The following LINGO2 variants were observed in gnomAD, a reference collection of about 807,000 sequenced individuals.
LINGO2 encodes the protein leucine-rich repeat and immunoglobulin-like domain-containing nogo receptor-interacting protein 2.
Under a neutral mutation model 30.6 loss-of-function variants are expected in LINGO2, and 14 were observed. The observed-to-expected ratio is 0.46, with a 90% CI of 0.30 to 0.72. The LOEUF (loss-of-function observed/expected upper bound fraction) is 0.72. Ranked by LOEUF, LINGO2 falls within the 30% of genes least tolerant of loss-of-function variation. LINGO2 has a pLI of 0.07. For missense variants in LINGO2, 729 were observed against 751.7 expected (o/e 0.97, Z 0.35); for synonymous variants, 317 against 288.5 (o/e 1.10, Z -1.00).
intron 5 of LINGO2, among the ~76,000 whole-genome samples, chr9:27,974,053 G>T (rs1205301528): frequency 6.6e-6 from 1 of 152,164 alleles, no homozygotes; most frequent in Non-Finnish European, 1.5e-5. Context: ...GGTTCATTCT[G>T]CTTGTTAATA....
At chr9:28,866,382 T>C in the LINGO2 span, among the ~76,000 whole-genome samples, 3 of 152,270 alleles carry the variant, frequency 2.0e-5, no homozygotes, top group Admixed American at 6.5e-5. Context: ...GCATCAGTTA[T>C]TCCATCTATG....
intron 1 of LINGO2, among the ~76,000 whole-genome samples, chr9:28,540,141 A>G (rs980691809): frequency 1.4e-4 from 21 of 152,098 alleles, no homozygotes; most frequent in Admixed American, 2.6e-4. Context: ...CTCGGACTCT[A>G]ACCTTATTTC....
intron 4 of LINGO2, among the ~76,000 whole-genome samples, chr9:28,203,545 A>G (rs1352017806): frequency 1.3e-5 from 2 of 152,222 alleles, no homozygotes; most frequent in Non-Finnish European, 2.9e-5. Flanking sequence ...TTGCTGAATT[A>G]CAGTAAGCAT....
chr9:28,331,643 C>T (rs1037148064), intron 3 of LINGO2, among the ~76,000 whole-genome samples: 11 of 152,108 alleles, frequency 7.2e-5, no homozygotes, highest in African/African-American at 2.4e-4. Context: ...GTAGTTGGGA[C>T]TACAGGCACA....
intron 4 of LINGO2, among the ~76,000 whole-genome samples, chr9:28,082,915 CCT>C (rs1466890902): frequency 6.6e-6 from 1 of 151,976 alleles, no homozygotes; most frequent in Non-Finnish European, 1.5e-5. Flanking sequence ...TCAAATTTTC[CCT>C]CTGTTAGCAT....
chr9:28,610,924 C>G (rs949852065), intron 1 of LINGO2, among the ~76,000 whole-genome samples: 1 of 151,954 alleles, frequency 6.6e-6, no homozygotes, highest in African/African-American at 2.4e-5. Flanking sequence ...AAATTGTATT[C>G]TAATAATAAA....
chr9:28,726,204 TG>T, the LINGO2 span, among the ~76,000 whole-genome samples: 1 of 152,158 alleles, frequency 6.6e-6, no homozygotes, highest in Non-Finnish European at 1.5e-5. Flanking sequence ...GCTCTATGTG[TG>T]AGTCAATTTG....
At chr9:28,057,853 T>C (rs547808187) in intron 4 of LINGO2, among the ~76,000 whole-genome samples, 1 of 152,164 alleles carries the variant, frequency 6.6e-6, no homozygotes, top group South Asian at 2.1e-4. Flanking sequence ...AACTCCTGCT[T>C]ATTCTTCAGA....
At chr9:28,403,946 GATTA>G (rs1421045938) in intron 2 of LINGO2, among the ~76,000 whole-genome samples, 4 of 151,932 alleles carry the variant, frequency 2.6e-5, no homozygotes, top group African/African-American at 7.3e-5. Flanking sequence ...TTAAGATGAA[GATTA>G]ATTTAGTCTC....
chr9:28,862,780 T>G, the LINGO2 span, among the ~76,000 whole-genome samples: 3 of 152,068 alleles, frequency 2.0e-5, no homozygotes, highest in South Asian at 2.1e-4. Flanking sequence ...GCTCTAGCCT[T>G]GGAAATAAAT....
chr9:28,472,280 T>TA (rs933659468), intron 2 of LINGO2, among the ~76,000 whole-genome samples: 24 of 151,778 alleles, frequency 1.6e-4, no homozygotes, highest in African/African-American at 1.9e-4. Context: ...AGTTAAAAAA[T>TA]AAAAAATTAC....
intron 4 of LINGO2, among the ~76,000 whole-genome samples, chr9:28,028,691 C>T (rs1823509852): frequency 6.6e-6 from 1 of 152,040 alleles, no homozygotes; most frequent in South Asian, 2.1e-4. Flanking sequence ...TTACTTGTAA[C>T]ATTAAAACAA....
chr9:28,439,340 A>C (rs1824095749), intron 2 of LINGO2, among the ~76,000 whole-genome samples: 1 of 151,958 alleles, frequency 6.6e-6, no homozygotes, highest in African/African-American at 2.4e-5. Flanking sequence ...ATCCTCTGGC[A>C]GTCGTTAGTG....
the LINGO2 span, among the ~76,000 whole-genome samples, chr9:28,786,055 T>C: frequency 1.3e-5 from 2 of 152,350 alleles, no homozygotes; most frequent in East Asian, 3.9e-4. Flanking sequence ...CATAGGTCAT[T>C]GTTCTGTAAT....
intron 1 of LINGO2, among the ~76,000 whole-genome samples, chr9:28,549,466 C>T (rs1048226396): frequency 2.6e-5 from 4 of 151,810 alleles, no homozygotes; most frequent in Admixed American, 1.3e-4. Flanking sequence ...CAGTGGTTTA[C>T]GTAGGGTTTA....
At chr9:27,974,132 ACTG>A (rs1820482682) in intron 5 of LINGO2, among the ~76,000 whole-genome samples, 1 of 152,150 alleles carries the variant, frequency 6.6e-6, no homozygotes, top group African/African-American at 2.4e-5. Flanking sequence ...AGCCATCACA[ACTG>A]CTGCGTGAAC....
At chr9:28,676,046 C>T in the LINGO2 span, among the ~76,000 whole-genome samples, 6 of 150,242 alleles carry the variant, frequency 4.0e-5, no homozygotes, top group East Asian at 1.2e-3. Context: ...ATATTCCTAA[C>T]AAAATGACAT....
the LINGO2 span, among the ~76,000 whole-genome samples, chr9:28,786,595 T>A: frequency 2.0e-5 from 3 of 152,092 alleles, no homozygotes; most frequent in East Asian, 5.8e-4. Flanking sequence ...GAGCCTGAGG[T>A]AGAGATAGTG....
At chr9:28,915,741 AG>A in the LINGO2 span, among the ~76,000 whole-genome samples, 1 of 152,218 alleles carries the variant, frequency 6.6e-6, no homozygotes, top group African/African-American at 2.4e-5. Flanking sequence ...TGAAGGCCTA[AG>A]GTATACTAGA....
Sources: allele counts gnomAD v4.1 joint callset (sites outside exome capture counted in the v4.1 genomes callset), GRCh38; gene constraint gnomAD v4.1.1; transcripts MANE v1.5; gene names NCBI Gene and HGNC (gene_info 2026-07-23, HGNC 2026-07-21).